The following XKR6 variants were observed in gnomAD, a reference collection of about 807,000 sequenced individuals.
XKR6 encodes the protein XK related 6.
XKR6 carries 22 observed loss-of-function variants against 56.7 expected under a neutral mutation model. The ratio of observed to expected loss-of-function variants is 0.39; its 90% confidence interval spans 0.28 to 0.55. XKR6 has a LOEUF of 0.55. Among genes scored for constraint, XKR6 ranks in the 20% least tolerant of loss-of-function variants. XKR6 has a pLI of 0.66. For missense variants in XKR6, 852 were observed against 889.0 expected (o/e 0.96, Z 0.53); for synonymous variants, 524 against 387.8 (o/e 1.35, Z -4.13).
intron 1 of XKR6, among the ~76,000 whole-genome samples, chr8:10,967,367 C>G (rs1220977976): frequency 1.3e-5 from 2 of 152,156 alleles, no homozygotes; most frequent in Non-Finnish European, 2.9e-5. Flanking sequence ...CCCAGAAAGC[C>G]TCAGTGCCCT....
chr8:11,166,232 A>G (rs1192755710), intron 1 of XKR6, among the ~76,000 whole-genome samples: 1 of 152,200 alleles, frequency 6.6e-6, no homozygotes, highest in Non-Finnish European at 1.5e-5. Flanking sequence ...TGAAGATGTT[A>G]CTATAAAGTT....
chr8:11,183,083 G>A (rs546934302), intron 1 of XKR6, among the ~76,000 whole-genome samples: 2 of 152,050 alleles, frequency 1.3e-5, no homozygotes, highest in Admixed American at 6.5e-5. Flanking sequence ...CTTTGAATGC[G>A]TCTTGTATCC....
rs765145805 is a variant in XKR6 at position 11,201,387 on chromosome 8, G to A, written c.-48C>T. Reference sequence around the variant, plus strand: ...GAGGTTGGGGGGGAGGGACGGCGGGGGGGGGGGGAAGAAGGCAGGGAACGG... The same window carrying A: ...GAGGTTGGGGGGGAGGGACGGCGGGAGGGGGGGGAAGAAGGCAGGGAACGG... On this transcript the variant is annotated 5_prime_UTR_variant, in exon 1 of 3. Coordinates refer to ENST00000416569, the MANE Select transcript of XKR6 (RefSeq NM_173683.4). 4 of 1,123,738 alleles carry A rather than the reference G, an allele frequency of 3.6e-6. No individual in the cohort carries two copies. Among genetic ancestry groups the A allele is most frequent in the Admixed American group, 3.1e-5 (1 of 31,834 alleles). 69.6% of individuals were successfully genotyped at this position (1,123,738 alleles called of 1,614,324 possible). A position where few individuals can be genotyped will look rare whatever the true frequency, so the allele number is the denominator to read the frequency against.
At chr8:10,973,046 G>C (rs763473812) in intron 1 of XKR6, among the ~76,000 whole-genome samples, 2 of 152,164 alleles carry the variant, frequency 1.3e-5, no homozygotes, top group Non-Finnish European at 2.9e-5. Context: ...CTGGTTTCTT[G>C]ATAGACGAGG....
At chr8:10,965,845 C>T (rs1276624648) in intron 1 of XKR6, among the ~76,000 whole-genome samples, 1 of 152,222 alleles carries the variant, frequency 6.6e-6, no homozygotes. Context: ...TCATCTGGCC[C>T]GGGCCGAGTC....
At chr8:11,058,719 G>C (rs1275631693) in intron 1 of XKR6, among the ~76,000 whole-genome samples, 2 of 152,140 alleles carry the variant, frequency 1.3e-5, no homozygotes, top group East Asian at 1.9e-4. Flanking sequence ...AGAGCATTAG[G>C]ACAAACACCT....
intron 1 of XKR6, among the ~76,000 whole-genome samples, chr8:11,158,423 GA>G (rs1801632842): frequency 6.6e-6 from 1 of 152,228 alleles, no homozygotes; most frequent in South Asian, 2.1e-4. Flanking sequence ...GGCTACAGCT[GA>G]AAGTGCTAGG....
chr8:11,192,798 C>T lies in XKR6; in HGVS notation c.764+7778G>A, dbSNP rs111500746. On this transcript the variant is annotated intron_variant, in intron 1 of 2. Coordinates refer to ENST00000416569, the MANE Select transcript of XKR6 (RefSeq NM_173683.4). The stretch of plus-strand genomic sequence containing the variant: ...AGGCCTGGAATCCGCATGTTAATGG[C>T]CCCGTGGGCTCTCCTAACACAGGAG... 2.0e-3 allele frequency among the ~76,000 whole-genome samples: 301 copies of T among 152,232 alleles called. 1 individual carries two copies. The highest frequency in any genetic ancestry group is 6.8e-3 in the African/African-American group (284 of 41,534).
chr8:10,944,447 C>T (rs185401209), intron 1 of XKR6, among the ~76,000 whole-genome samples: 7 of 152,220 alleles, frequency 4.6e-5, no homozygotes, highest in Non-Finnish European at 1.0e-4. Flanking sequence ...GTTGGACCCA[C>T]TGACCTTTCG....
At chr8:10,982,108 T>G (rs563271127) in intron 1 of XKR6, among the ~76,000 whole-genome samples, 20 of 152,218 alleles carry the variant, frequency 1.3e-4, no homozygotes, top group Non-Finnish European at 2.8e-4. Context: ...ATGCAATCAA[T>G]GAAGTCTACA....
In XKR6 at chr8:11,025,232, G is replaced by A. The variant is rs147612516; in HGVS notation, c.765-100402C>T. On this transcript the variant is annotated intron_variant, in intron 1 of 2. Coordinates refer to ENST00000416569, the MANE Select transcript of XKR6 (RefSeq NM_173683.4). ...CCACAGGAACCCTGTACTCATGTCC[G>A]CCAGATTCATGTCTACTCGAATAAA... Among the ~76,000 whole-genome samples, 83 of 152,236 alleles carry A rather than the reference G, an allele frequency of 5.5e-4. 1 individual carries two copies. The Middle Eastern group carries it at 0.017, about 31-fold the overall frequency.
At chr8:11,123,230 G>C (rs1799544489) in intron 1 of XKR6, among the ~76,000 whole-genome samples, 1 of 129,190 alleles carries the variant, frequency 7.7e-6, no homozygotes, top group Non-Finnish European at 1.5e-5. Flanking sequence ...GAGTGACTCT[G>C]TGTAGAAGGA....
chr8:10,966,078 G>C (rs1490818725), intron 1 of XKR6, among the ~76,000 whole-genome samples: 1 of 152,164 alleles, frequency 6.6e-6, no homozygotes, highest in Non-Finnish European at 1.5e-5. Context: ...CTTGGGTGGG[G>C]AGGAGGATTG....
intron 1 of XKR6, among the ~76,000 whole-genome samples, chr8:11,164,771 T>C (rs890593995): frequency 2.0e-5 from 3 of 152,252 alleles, no homozygotes; most frequent in South Asian, 2.1e-4. Context: ...TATTTCTCAA[T>C]ATCCATTTGT....
intron 1 of XKR6, among the ~76,000 whole-genome samples, chr8:11,161,915 C>T (rs1457664002): frequency 6.6e-6 from 1 of 151,860 alleles, no homozygotes; most frequent in African/African-American, 2.4e-5. Flanking sequence ...ACTTACTTAC[C>T]CAGGTTGTAG....
intron 1 of XKR6, among the ~76,000 whole-genome samples, chr8:11,129,533 A>C (rs554694645): frequency 2.0e-3 from 303 of 152,318 alleles, no homozygotes; most frequent in Non-Finnish European, 3.5e-3. Flanking sequence ...TTCAAGAGTC[A>C]GTAACTAACT....
At chr8:11,173,589 A>G (rs1231132541) in intron 1 of XKR6, among the ~76,000 whole-genome samples, 1 of 152,056 alleles carries the variant, frequency 6.6e-6, no homozygotes, top group Admixed American at 6.6e-5. Flanking sequence ...CATCTGTAAG[A>G]TGGGGTCACC....
intron 2 of XKR6, among the ~76,000 whole-genome samples, chr8:10,910,028 TTAAC>T (rs1172895993): frequency 1.3e-5 from 2 of 151,906 alleles, no homozygotes; most frequent in East Asian, 1.9e-4. Flanking sequence ...AATCACCCAT[TTAAC>T]TAACAGCAAT....
intron 2 of XKR6, among the ~76,000 whole-genome samples, chr8:10,912,704 T>C (rs1394317833): frequency 2.1e-5 from 3 of 141,720 alleles, no homozygotes; most frequent in South Asian, 4.4e-4. Context: ...TATATATATA[T>C]ATACACACAT....
Sources: gnomAD v4.1 joint callset for allele counts (sites outside exome capture counted in the v4.1 genomes callset) on GRCh38, gnomAD v4.1.1 for gene constraint, MANE v1.5 for transcripts, NCBI Gene and HGNC (gene_info 2026-07-23, HGNC 2026-07-21) for gene names.